Variants in GNAQ observed in about 807,000 individuals in gnomAD.
The protein encoded by GNAQ is guanine nucleotide-binding protein G(q) subunit alpha.
GNAQ carries 8 observed loss-of-function variants against 43.9 expected under a neutral mutation model. The observed-to-expected ratio is 0.18, with a 90% CI of 0.11 to 0.33. GNAQ has a LOEUF of 0.33. Ranked by LOEUF, GNAQ falls within the 10% of genes least tolerant of loss-of-function variation. The pLI, the probability that GNAQ is intolerant of heterozygous loss-of-function variation, is 1.00. For missense variants in GNAQ, 158 were observed against 450.8 expected, an observed-to-expected ratio of 0.35 and a Z score of 5.88; for synonymous variants, 155 against 170.7, an observed-to-expected ratio of 0.91 and a Z score of 0.71.
At chr9:77,740,250 G>C (rs1825632742) in intron 5 of GNAQ, among the ~76,000 whole-genome samples, 1 of 152,210 alleles carries the variant, frequency 6.6e-6, no homozygotes. Context: ...GGACCTGTAT[G>C]ACACCTGAGC....
chr9:77,945,136 C>T (rs1361876954), intron 1 of GNAQ, among the ~76,000 whole-genome samples: 1 of 152,144 alleles, frequency 6.6e-6, no homozygotes, highest in Non-Finnish European at 1.5e-5. Context: ...AAAAACACAT[C>T]GCAAAGCCAA....
intron 3 of GNAQ, among the ~76,000 whole-genome samples, chr9:77,803,929 C>T (rs1246444422): frequency 6.6e-6 from 1 of 152,098 alleles, no homozygotes; most frequent in Non-Finnish European, 1.5e-5. Context: ...TAATCTCTGG[C>T]TGAAGAAAAA....
chr9:77,982,825 A>C (rs77448267), intron 1 of GNAQ, among the ~76,000 whole-genome samples: 31,839 of 151,314 alleles, frequency 0.21, 3,547 homozygotes, highest in South Asian at 0.37. Flanking sequence ...AGGGATAGTA[A>C]TGGGAGATAT....
chr9:77,962,749 G>C (rs111359906), intron 1 of GNAQ, among the ~76,000 whole-genome samples: 1 of 151,764 alleles, frequency 6.6e-6, no homozygotes, highest in Non-Finnish European at 1.5e-5. Flanking sequence ...AAAGTTAGCC[G>C]GGTATGGTGG....
At chr9:78,030,658 G>A (rs1824040695) in intron 1 of GNAQ, 2 of 424,484 alleles carry the variant, frequency 4.7e-6, no homozygotes, top group African/African-American at 2.0e-5. Flanking sequence ...CTCGCCACCC[G>A]CTGGGCCACA....
Position 77,793,382 on chromosome 9 carries a change from T to C in GNAQ, c.735+1081A>G, listed in dbSNP as rs374537768. Among the ~76,000 whole-genome samples the C allele has an allele frequency of 7.4e-4, 112 of 152,258 alleles. 2 individuals carry two copies. The South Asian group carries it at 0.021, about 28-fold the overall frequency. ...TGAACAGGTGACTCTCGGTTCTATA[T>C]AGACATTGGTTCACGGAAACTTTAT... On this transcript the variant is annotated intron_variant, in intron 5 of 6. Coordinates refer to ENST00000286548, the MANE Select transcript of GNAQ (RefSeq NM_002072.5).
At chr9:77,832,777 A>G (rs1827320512) in intron 2 of GNAQ, among the ~76,000 whole-genome samples, 1 of 152,060 alleles carries the variant, frequency 6.6e-6, no homozygotes, top group African/African-American at 2.4e-5. Flanking sequence ...GTTACGTTGT[A>G]CGGTTGTCAG....
chr9:77,730,261 G>C (rs1207983397), intron 5 of GNAQ, among the ~76,000 whole-genome samples: 2 of 152,134 alleles, frequency 1.3e-5, no homozygotes, highest in Non-Finnish European at 2.9e-5. Context: ...ACTTATACAA[G>C]GAAGTGAATG....
At chr9:77,999,123 T>C (rs1369874002) in intron 1 of GNAQ, among the ~76,000 whole-genome samples, 1 of 143,040 alleles carries the variant, frequency 7.0e-6, no homozygotes, top group African/African-American at 2.5e-5. Flanking sequence ...AAAAAAGACT[T>C]ACAGAAAAAG....
chr9:77,950,056 C>T (rs1348181349), intron 1 of GNAQ, among the ~76,000 whole-genome samples: 2 of 152,156 alleles, frequency 1.3e-5, no homozygotes, highest in Non-Finnish European at 1.5e-5. Flanking sequence ...TTCCTATTTA[C>T]CCTGACTCTT....
intron 1 of GNAQ, among the ~76,000 whole-genome samples, chr9:77,925,097 TC>T (rs1428413224): frequency 6.6e-6 from 1 of 152,006 alleles, no homozygotes; most frequent in East Asian, 1.9e-4. Flanking sequence ...CAACAACTGC[TC>T]CCTTGCCTTG....
Position 77,716,809 on chromosome 9 carries a change from G to C in GNAQ, c.*4514C>G. ...ACGGGGAAATGGAGGACACAGGGTA[G>C]ATAAGGAAGGCAAGGAGGAAATTAA... On this transcript the variant is annotated 3_prime_UTR_variant, in exon 7 of 7. Transcript: ENST00000286548. 5 of 232,918 alleles carry C rather than the reference G, an allele frequency of 2.1e-5. No individual in the cohort carries two copies. The highest frequency in any genetic ancestry group is 4.2e-5 in the Non-Finnish European group (5 of 117,876). The allele number at this position is 232,918 out of a possible 1,614,324, so 14.4% of individuals were successfully genotyped here. A position where few individuals can be genotyped will look rare whatever the true frequency, so the allele number is the denominator to read the frequency against.
intron 1 of GNAQ, chr9:78,030,454 C>CCCG: frequency 4.3e-6 from 2 of 464,122 alleles, no homozygotes; most frequent in Non-Finnish European, 9.0e-6. Context: ...GGCTTGCCCT[C>CCCG]CCGCCTCGCC....
At chr9:77,795,227 G>T (rs890940454) in intron 4 of GNAQ, among the ~76,000 whole-genome samples, 5 of 152,120 alleles carry the variant, frequency 3.3e-5, no homozygotes, top group Non-Finnish European at 5.9e-5. Context: ...AGTGAATGAA[G>T]ATACTACAAG....
intron 1 of GNAQ, among the ~76,000 whole-genome samples, chr9:77,982,371 TCTTA>T (rs887170979): frequency 5.3e-5 from 8 of 152,202 alleles, no homozygotes; most frequent in Admixed American, 1.3e-4. Context: ...AATTGAATCC[TCTTA>T]CTTAAGAATG....
At chr9:78,007,723 G>T (rs1823724544) in intron 1 of GNAQ, among the ~76,000 whole-genome samples, 1 of 152,076 alleles carries the variant, frequency 6.6e-6, no homozygotes, top group African/African-American at 2.4e-5. Flanking sequence ...ACAAATCAGG[G>T]ATACTTCTCC....
rs749213549 is a variant in GNAQ, at chr9:77,922,117, C to T, written c.321+44G>A. ...TCGTGTTGTCACATTATTGTGAACA[C>T]CTGGAACATTCAGCTGACTGCTCCA... is the stretch of plus-strand genomic sequence containing the variant. On this transcript the variant is annotated intron_variant, in intron 2 of 6. Coordinates refer to ENST00000286548, the MANE Select transcript of GNAQ (RefSeq NM_002072.5). The T allele has an allele frequency of 3.7e-6, 5 of 1,361,652 alleles. No homozygotes were observed. The East Asian group carries it at 1.1e-4, about 31-fold the overall frequency. 84.3% of individuals were successfully genotyped at this position (1,361,652 alleles called of 1,614,324 possible).
intron 1 of GNAQ, among the ~76,000 whole-genome samples, chr9:77,991,963 G>C (rs538789131): frequency 2.8e-4 from 43 of 152,240 alleles, no homozygotes; most frequent in African/African-American, 1.0e-3. Context: ...TTATCCACTT[G>C]TTAGCTAATG....
rs1049610391 is a variant in GNAQ, at chr9:77,716,433, C to G, written c.*4890G>C. ...ACAGTAAATATTCTTTTAAATACTG[C>G]AAGTTAAAAATGTTTTCTGACAAAA... On this transcript the variant is annotated 3_prime_UTR_variant, in exon 7 of 7. Transcript: ENST00000286548. 1 of 232,408 alleles carries G rather than the reference C, an allele frequency of 4.3e-6. No homozygotes were observed. The allele number at this position is 232,408 out of a possible 1,614,324, so 14.4% of individuals were successfully genotyped here. A position where few individuals can be genotyped will look rare whatever the true frequency, so the allele number is the denominator to read the frequency against.
Sources: allele counts gnomAD v4.1 joint callset (sites outside exome capture counted in the v4.1 genomes callset), GRCh38; gene constraint gnomAD v4.1.1; transcripts MANE v1.5; gene names NCBI Gene and HGNC (gene_info 2026-07-23, HGNC 2026-07-21).